Variants in HKDC1 observed in about 807,000 individuals in gnomAD.
HKDC1 encodes hexokinase HKDC1.
HKDC1 carries 66 observed loss-of-function variants against 96.6 expected under a neutral mutation model. The ratio of observed to expected loss-of-function variants is 0.68; its 90% CI spans 0.56 to 0.84. HKDC1 has a LOEUF of 0.84. HKDC1 is among the 40% of genes least tolerant of loss of function. The pLI is 0.00. For synonymous variants in HKDC1, 466 were observed against 473.1 expected (o/e 0.98, Z 0.20); for missense variants, 1,211 against 1,208.1 (o/e 1.00, Z -0.04).
chr10:69,221,118 C>A (rs1393368521), intron 1 of HKDC1, among the ~76,000 whole-genome samples: 1 of 152,000 alleles, frequency 6.6e-6, no homozygotes, highest in Admixed American at 6.6e-5. Flanking sequence ...CCATTGCACT[C>A]CAGCCTAGGG....
chr10:69,261,076 C>T lies in HKDC1; in HGVS notation c.2217-63C>T, dbSNP rs181074884. On this transcript the variant is annotated intron_variant, in intron 15 of 17. Coordinates refer to ENST00000354624, the MANE Select transcript of HKDC1 (RefSeq NM_025130.4). The stretch of plus-strand genomic sequence containing the variant: ...ATGCGTAGCTCCAAAGCCTGGCCTT[C>T]TCACATCATGTGGTCTTCTGCATTG... 68 of 1,504,160 alleles carry T rather than the reference C, an allele frequency of 4.5e-5. No homozygotes were observed. The African/African-American group carries it at 7.7e-4, about 17-fold the overall frequency. The allele number at this position is 1,504,160 out of a possible 1,614,324, so 93.2% of individuals were successfully genotyped here. A position where few individuals can be genotyped will look rare whatever the true frequency, so the allele number is the denominator to read the frequency against.
intron 15 of HKDC1, 24 bp from the exon 16 acceptor site, chr10:69,261,115 A>C (rs1486719398): frequency 1.2e-6 from 2 of 1,607,738 alleles, no homozygotes; most frequent in East Asian, 2.2e-5. Flanking sequence ...GTCTGCCCCA[A>C]CCTTATCCTT....
chr10:69,220,490 A>T lies in HKDC1; in HGVS notation c.55A>T (p.Ile19Phe). 1 of 1,599,768 alleles carries T rather than the reference A, an allele frequency of 6.3e-7. No individual in the cohort carries two copies. Among genetic ancestry groups the T allele is most frequent in the Non-Finnish European group, 8.5e-7 (1 of 1,173,814 alleles). ...FYFSKLKEDQIKKVDRFLYHM... is the reference protein window; with the variant it reads ...FYFSKLKEDQFKKVDRFLYHM... ...CTTCAGCAAGCTGAAGGAGGACCAG[A>T]TCAAGAAGGTAAGGAGGACCCACGA... Residue 19 changes from isoleucine to phenylalanine, a missense_variant, in exon 1 of 18, where the codon ATC (isoleucine) becomes TTC (phenylalanine). Coordinates refer to ENST00000354624, the MANE Select transcript of HKDC1 (RefSeq NM_025130.4).
intron 2 of HKDC1, among the ~76,000 whole-genome samples, chr10:69,228,296 T>A (rs1316024933): frequency 6.6e-6 from 1 of 152,160 alleles, no homozygotes; most frequent in African/African-American, 2.4e-5. Flanking sequence ...CATTTAAAGA[T>A]CCTGTGATCA....
At chr10:69,248,376 G>T in intron 9 of HKDC1, 48 bp from the exon 10 acceptor site, 2 of 1,522,574 alleles carry the variant, frequency 1.3e-6, no homozygotes, top group Non-Finnish European at 1.8e-6. Context: ...CTGTGCCTGA[G>T]CCTGGCCTTT....
intron 8 of HKDC1, 116 bp from the exon 9 acceptor site, chr10:69,247,244 T>C: frequency 4.4e-6 from 3 of 686,698 alleles, no homozygotes; most frequent in Non-Finnish European, 7.8e-6. Flanking sequence ...TTTTATTCTA[T>C]ACCATGGACC....
In HKDC1 at chr10:69,227,495, C is replaced by G; in HGVS notation, c.226+126C>G. ...CCCTCTCTCTGCTGTCCCACCCTCCCTGCCCCTCTCTGCTTCAGTCCTGCT... is the reference window on the plus strand; with the variant it reads ...CCCTCTCTCTGCTGTCCCACCCTCCGTGCCCCTCTCTGCTTCAGTCCTGCT... On this transcript the variant is annotated intron_variant, in intron 2 of 17. Coordinates refer to ENST00000354624, the MANE Select transcript of HKDC1 (RefSeq NM_025130.4). 7.4e-6 allele frequency: 7 copies of G among 950,200 alleles called. No individual in the cohort carries two copies. The South Asian group carries it at 1.2e-4, about 16-fold the overall frequency. 58.9% of individuals were successfully genotyped at this position (950,200 alleles called of 1,614,324 possible). A position where few individuals can be genotyped will look rare whatever the true frequency, so the allele number is the denominator to read the frequency against.
At chr10:69,227,564 T>G (rs892158770) in intron 2 of HKDC1, among the ~76,000 whole-genome samples, 195 bp downstream of exon 2, 1 of 150,974 alleles carries the variant, frequency 6.6e-6, no homozygotes, top group East Asian at 2.0e-4. Context: ...CCAGGCACCG[T>G]GGCTTCTCTG....
rs375204302 is a variant in HKDC1, at chr10:69,247,366, A to G, written c.1038A>G (p.Lys346=). Residue 346 remains lysine (K), a synonymous_variant, in exon 9 of 18, where the codon AAA becomes AAG. Transcript: ENST00000354624. ...TRHVAAMEKY[K]EGLANTREIL... ...ATTCCTGTCCCCTGGCCAGGTATAA[A>G]GAAGGCCTTGCTAATACAAGAGAGA... The G allele has an allele frequency of 4.3e-6, 7 of 1,613,130 alleles. No homozygotes were observed. In the African/African-American group the frequency reaches 5.3e-5, roughly 12 times the overall value.
intron 6 of HKDC1, among the ~76,000 whole-genome samples, chr10:69,241,841 G>T (rs918772806): frequency 6.6e-6 from 1 of 152,142 alleles, no homozygotes; most frequent in Non-Finnish European, 1.5e-5. Context: ...AGATTACTGG[G>T]GACAAGAGTG....
intron 5 of HKDC1, among the ~76,000 whole-genome samples, chr10:69,240,270 C>T (rs1432055885): frequency 1.3e-5 from 2 of 152,072 alleles, no homozygotes; most frequent in Non-Finnish European, 2.9e-5. Flanking sequence ...ATGTTTGTAC[C>T]TGTGAACAGC....
Position 69,248,672 on chromosome 10 carries a change from G to T in HKDC1, c.1514G>T (p.Gly505Val). The change falls in exon 10 of 18, where the codon GGG (glycine) becomes GTG (valine). Residue 505 changes from glycine (G) to valine (V), a missense_variant. By Grantham distance (109) the Gly-to-Val change is moderately radical. Coordinates refer to ENST00000354624, the MANE Select transcript of HKDC1 (RefSeq NM_025130.4). ...TATGGGCTGAAGAAGAAGAGCCACG[G>T]GCTGGCCACGGTCAGGATGCTGCCC... ...LEYGLKKKSHGLATVRMLPTY... is the reference protein window; with the variant it reads ...LEYGLKKKSHVLATVRMLPTY... The T allele has an allele frequency of 6.2e-7, 1 of 1,614,042 alleles. No individual in the cohort carries two copies. Among genetic ancestry groups the T allele is most frequent in the Non-Finnish European group, 8.5e-7 (1 of 1,179,970 alleles).
intron 13 of HKDC1, 34 bp downstream of exon 13, chr10:69,257,165 T>G: frequency 6.3e-7 from 1 of 1,580,562 alleles, no homozygotes; most frequent in Non-Finnish European, 8.7e-7. Flanking sequence ...TGCCTGCTCT[T>G]GCTGCCTTCC....
chr10:69,223,691 T>C (rs1044382583), intron 1 of HKDC1, among the ~76,000 whole-genome samples: 2 of 148,688 alleles, frequency 1.3e-5, no homozygotes, highest in South Asian at 2.1e-4. Flanking sequence ...GCTCAAGCGA[T>C]TCTCCTGCCT....
chr10:69,246,792 G>A (rs1843548831), intron 8 of HKDC1, among the ~76,000 whole-genome samples: 1 of 152,254 alleles, frequency 6.6e-6, no homozygotes, highest in Admixed American at 6.5e-5. Flanking sequence ...CGGTGTGACT[G>A]CATTGCCGTC....
intron 7 of HKDC1, among the ~76,000 whole-genome samples, chr10:69,243,632 G>A (rs1843491276): frequency 6.6e-6 from 1 of 151,990 alleles, no homozygotes; most frequent in Non-Finnish European, 1.5e-5. Context: ...GAGGAGTTGG[G>A]ACTACGGGCA....
intron 7 of HKDC1, among the ~76,000 whole-genome samples, chr10:69,244,282 A>G (rs1843503490): frequency 6.6e-6 from 1 of 151,988 alleles, no homozygotes; most frequent in Admixed American, 6.6e-5. Flanking sequence ...CTCATGTCGC[A>G]CTTTCCTAGC....
At chr10:69,222,154 A>C (rs1220824840) in intron 1 of HKDC1, among the ~76,000 whole-genome samples, 2 of 152,106 alleles carry the variant, frequency 1.3e-5, no homozygotes, top group Non-Finnish European at 2.9e-5. Context: ...CCCGGGCAGC[A>C]GAGGTTACAG....
In HKDC1 at chr10:69,247,525, G is replaced by A. The variant is rs1843560461; in HGVS notation, c.1197G>A (p.Glu399=). Residue 399 remains glutamate, a synonymous_variant, in exon 9 of 18, where the codon GAG becomes GAA. Coordinates refer to ENST00000354624, the MANE Select transcript of HKDC1 (RefSeq NM_025130.4). The part of the protein sequence containing the change: ...ALAAILTRLR[E]NKKVERLRTT... ...CGGCCATCCTGACACGCCTCCGGGA[G>A]AACAAGAAGGTGGAACGGCTCCGGA... 6.2e-7 allele frequency: 1 copy of A among 1,614,064 alleles called. No homozygotes were observed. Among genetic ancestry groups the A allele is most frequent in the Admixed American group, 1.7e-5 (1 of 60,000 alleles).
Sources: gnomAD v4.1 joint callset for allele counts (sites outside exome capture counted in the v4.1 genomes callset) on GRCh38, gnomAD v4.1.1 for gene constraint, MANE v1.5 for transcripts, NCBI Gene and HGNC (gene_info 2026-07-23, HGNC 2026-07-21) for gene names.